NLRP11: variants seen among roughly 807,000 people sequenced by gnomAD.
The protein encoded by NLRP11 is NLR family pyrin domain containing 11.
NLRP11 carries 53 observed loss-of-function variants against 79.3 expected under a neutral mutation model. That is an observed-to-expected ratio of 0.67 (90% CI 0.54 to 0.84). The LOEUF is 0.84. Ranked by LOEUF, NLRP11 falls within the 40% of genes least tolerant of loss-of-function variation. The pLI is 0.00. For missense variants in NLRP11, 1,264 were observed against 1,255.0 expected (o/e 1.01, Z -0.11); for synonymous variants, 518 against 462.6 (o/e 1.12, Z -1.54).
exon 10 of NLRP11, chr19:55,785,628 A>G (rs377418854): frequency 1.9e-6 from 3 of 1,612,108 alleles, no homozygotes; most frequent in African/African-American, 2.7e-5. Context: ...AACATGATCA[A>G]AGGGGTTGCC....
chr19:55,819,146 C>G lies in NLRP11; in HGVS notation c.-62-910G>C, dbSNP rs994061035. Among the ~76,000 whole-genome samples, 325 of 96,980 alleles carry G rather than the reference C, an allele frequency of 3.4e-3. 2 individuals carry two copies. Among genetic ancestry groups the G allele is most frequent in the Middle Eastern group, 0.01 (2 of 194 alleles). The allele number at this position is 96,980 out of a possible 152,430, so 63.6% of individuals were successfully genotyped here. On this transcript the variant is annotated intron_variant, in intron 1 of 9. Coordinates refer to ENST00000589093, the Ensembl canonical transcript of NLRP11. ...TCGCCTACACACACACACACACACA[C>G]ACACACACACACACACACACACACA...
chr19:55,811,644 C>A (rs1269347304), intron 2 of NLRP11, among the ~76,000 whole-genome samples: 1 of 152,066 alleles, frequency 6.6e-6, no homozygotes, highest in Non-Finnish European at 1.5e-5. Flanking sequence ...ACAGGACTTT[C>A]TCCTTACTGT....
intron 8 of NLRP11, 108 bp downstream of exon 8, chr19:55,789,121 A>T: frequency 1.4e-6 from 2 of 1,395,476 alleles, no homozygotes; most frequent in Admixed American, 2.0e-5. Flanking sequence ...CATTTCAAAC[A>T]CTAGACTATT....
intron 5 of NLRP11, 77 bp from the exon 6 acceptor site, chr19:55,796,327 A>G (rs1046970710): frequency 6.2e-5 from 73 of 1,170,338 alleles, no homozygotes; most frequent in African/African-American, 1.3e-4. Context: ...AAAAAAAAAA[A>G]AGAGAGACCT....
intron 7 of NLRP11, among the ~76,000 whole-genome samples, chr19:55,790,166 C>G (rs113660154): frequency 6.6e-6 from 1 of 152,138 alleles, no homozygotes; most frequent in Non-Finnish European, 1.5e-5. Flanking sequence ...GATGGCCATA[C>G]CCTACCCTCA....
intron 1 of NLRP11, among the ~76,000 whole-genome samples, chr19:55,830,268 A>G (rs928892062): frequency 6.6e-6 from 1 of 151,988 alleles, no homozygotes; most frequent in Non-Finnish European, 1.5e-5. Context: ...CCCTCCTTTG[A>G]CTTCTATTTC....
exon 6 of NLRP11, chr19:55,796,216 C>T (rs116279591): frequency 7.4e-6 from 12 of 1,613,618 alleles, no homozygotes; most frequent in African/African-American, 5.3e-5. Context: ...GCGATTTCTT[C>T]ACATTCGCTG....
At chr19:55,813,082 C>T (rs10415933) in intron 2 of NLRP11, among the ~76,000 whole-genome samples, 2 of 152,132 alleles carry the variant, frequency 1.3e-5, no homozygotes, top group Non-Finnish European at 2.9e-5. Context: ...AATCACAGCA[C>T]TTTGGGAGGC....
chr19:55,802,801 C>T (rs1979610637), intron 4 of NLRP11, among the ~76,000 whole-genome samples: 3 of 152,152 alleles, frequency 2.0e-5, no homozygotes, highest in South Asian at 2.1e-4. Context: ...CAGCATGGTA[C>T]TGGTACAAAA....
chr19:55,808,388 C>A (rs1980219276), intron 3 of NLRP11, among the ~76,000 whole-genome samples: 1 of 152,160 alleles, frequency 6.6e-6, no homozygotes, highest in Non-Finnish European at 1.5e-5. Flanking sequence ...TTAGGTTAAA[C>A]CACTGGTTTG....
Position 55,785,883 on chromosome 19 carries a change from CAG to C in NLRP11, c.2856-14_2856-13del, listed in dbSNP as rs751788635. On this transcript the variant is annotated splice_polypyrimidine_tract_variant and intron_variant, in intron 9 of 9. Transcript: ENST00000589093. Reference sequence around the variant, plus strand: ...CAGTTAATGGAAGCCTGAAGGAAAACAGAGAGAGAACGCCGTTAATGCTACAT... The same window carrying C: ...CAGTTAATGGAAGCCTGAAGGAAAACAGAGAGAACGCCGTTAATGCTACAT... The C allele has an allele frequency of 4.4e-6, 7 of 1,608,846 alleles. No individual in the cohort carries two copies. The highest frequency in any genetic ancestry group is 1.7e-5 in the Admixed American group (1 of 59,026).
At chr19:55,804,598 G>T (rs1350054573) in intron 4 of NLRP11, among the ~76,000 whole-genome samples, 2 of 152,130 alleles carry the variant, frequency 1.3e-5, no homozygotes, top group Non-Finnish European at 2.9e-5. Context: ...AGACACTGAG[G>T]TGTACTTGAG....
chr19:55,801,889 G>A, intron 4 of NLRP11, 150 bp from the exon 5 acceptor site: 2 of 672,520 alleles, frequency 3.0e-6, no homozygotes, highest in African/African-American at 1.8e-5. Context: ...TTCTAGTCAG[G>A]TCAGAAGACT....
chr19:55,828,059 A>C (rs1982399358), intron 1 of NLRP11, among the ~76,000 whole-genome samples: 1 of 149,528 alleles, frequency 6.7e-6, no homozygotes, highest in Non-Finnish European at 1.5e-5. Flanking sequence ...AATGTGGCAC[A>C]TATACACCAT....
At chr19:55,801,494 T>G in intron 5 of NLRP11, 78 bp downstream of exon 5, 1 of 1,147,318 alleles carries the variant, frequency 8.7e-7, no homozygotes, top group South Asian at 1.4e-5. Context: ...GGTAGTGTTA[T>G]TGAAGGGGCA....
At chr19:55,786,022 G>A in intron 9 of NLRP11, 151 bp from the exon 10 acceptor site, 1 of 725,362 alleles carries the variant, frequency 1.4e-6, no homozygotes, top group Non-Finnish European at 2.2e-6. Context: ...GTTCCAGACT[G>A]AAAACCGTGA....
At position 55,809,093 on chromosome 19, in the gene NLRP11, ATCTT is replaced by A; in HGVS notation, c.1513_1516del (p.Lys505PhefsTer13). On this transcript the variant is annotated frameshift_variant, in exon 3 of 10. Coordinates refer to ENST00000589093, the Ensembl canonical transcript of NLRP11. LOFTEE classifies it high-confidence loss of function. This position sits in a 1 kb window ranked among gnomAD's most constrained non-coding sequence, Gnocchi z 4.5. ...CTGGTATCCAAAGGATGTCTCAAGA[ATCTT>A]TCTCCTGTTTGCATTTAGAAGACCA... 1.2e-6 allele frequency: 2 copies of A among 1,613,952 alleles called. No individual in the cohort carries two copies. Among genetic ancestry groups the A allele is most frequent in the South Asian group, 2.2e-5 (2 of 91,074 alleles).
At chr19:55,827,504 G>A (rs895810445) in intron 1 of NLRP11, among the ~76,000 whole-genome samples, 28 of 150,218 alleles carry the variant, frequency 1.9e-4, no homozygotes, top group African/African-American at 6.1e-4. Context: ...GAAAATTTTC[G>A]CAACCTACTC....
chr19:55,797,414 G>C (rs1979031668), intron 5 of NLRP11, among the ~76,000 whole-genome samples: 1 of 152,154 alleles, frequency 6.6e-6, no homozygotes, highest in Non-Finnish European at 1.5e-5. Flanking sequence ...TCTTCAATGA[G>C]GATTTTGAAT....
Sources: gnomAD v4.1 joint callset for allele counts (sites outside exome capture counted in the v4.1 genomes callset) on GRCh38, gnomAD v4.1.1 for gene constraint, Gnocchi (gnomAD v3.1) non-coding constraint, MANE v1.5 for transcripts, NCBI Gene and HGNC (gene_info 2026-07-23, HGNC 2026-07-21) for gene names.